ZSCAN25: variants seen among roughly 807,000 people sequenced by gnomAD.
ZSCAN25 encodes the protein zinc finger and SCAN domain containing 25.
A neutral mutation model predicts 38.7 loss-of-function variants in ZSCAN25; 27 were observed. That is an observed-to-expected ratio of 0.70 (90% CI 0.51 to 0.96). The LOEUF is 0.96. Ranked by LOEUF, ZSCAN25 falls within the 40% of genes least tolerant of loss-of-function variation. ZSCAN25 has a pLI of 0.00. For synonymous variants in ZSCAN25, 273 were observed against 277.7 expected (o/e 0.98, Z 0.17); for missense variants, 637 against 705.9 (o/e 0.90, Z 1.11).
At chr7:99,676,835 A>G in the ZSCAN25 span, among the ~76,000 whole-genome samples, 355 of 152,162 alleles carry the variant, frequency 2.3e-3, 2 homozygotes, top group Admixed American at 4.4e-3. Context: ...AACTGTGTTC[A>G]TGGCTTCTAT....
At chr7:99,707,071 AG>A in the ZSCAN25 span, among the ~76,000 whole-genome samples, 1 of 152,204 alleles carries the variant, frequency 6.6e-6, no homozygotes, top group Non-Finnish European at 1.5e-5. Context: ...GACACCTTGG[AG>A]GGGCTTGGGA....
rs1807980432 is a variant in ZSCAN25, at chr7:99,631,300, G to A, written c.*1280G>A. 2.0e-6 allele frequency: 2 copies of A among 985,330 alleles called. No individual in the cohort carries two copies. The highest frequency in any genetic ancestry group is 2.4e-6 in the Non-Finnish European group (2 of 829,924). 61.0% of individuals were successfully genotyped at this position (985,330 alleles called of 1,614,324 possible). ...CCACTGGGGATGATGAGCTGGTAGC[G>A]ACCTGTTTTGCATGAGTGCCAAGTC... On this transcript the variant is annotated 3_prime_UTR_variant, in exon 8 of 8. Coordinates refer to ENST00000394152, the MANE Select transcript of ZSCAN25 (RefSeq NM_145115.3).
At chr7:99,641,143 A>G in the ZSCAN25 span, among the ~76,000 whole-genome samples, 588 of 152,268 alleles carry the variant, frequency 3.9e-3, 2 homozygotes, top group African/African-American at 0.013. Flanking sequence ...GTGCTGCTAT[A>G]AAGAGCTGCC....
chr7:99,642,783 A>G, the ZSCAN25 span, among the ~76,000 whole-genome samples: 3 of 152,170 alleles, frequency 2.0e-5, no homozygotes, highest in African/African-American at 7.2e-5. Context: ...CAGCTGTGTG[A>G]AAGTAGAAAC....
the ZSCAN25 span, chr7:99,648,455 A>T: frequency 1.5e-6 from 2 of 1,376,710 alleles, no homozygotes; most frequent in Non-Finnish European, 1.0e-6. Context: ...AAAGAAGAAA[A>T]GATGGAAGCA....
the ZSCAN25 span, chr7:99,663,939 A>G: frequency 9.0e-6 from 14 of 1,560,952 alleles, no homozygotes; most frequent in Non-Finnish European, 1.2e-5. Flanking sequence ...AAACCTAAAC[A>G]TCGTCATTTA....
intron 2 of ZSCAN25, 22 bp from the exon 3 acceptor site, chr7:99,619,026 A>G (rs1806701434): frequency 6.6e-6 from 1 of 152,444 alleles, no homozygotes; most frequent in African/African-American, 2.4e-5. Flanking sequence ...TTAACAGAGC[A>G]CCCTACTTAT....
At chr7:99,663,385 T>C in the ZSCAN25 span, 1 of 991,786 alleles carries the variant, frequency 1.0e-6, no homozygotes, top group Non-Finnish European at 1.2e-6. Context: ...CCTGGTCCTG[T>C]CTCCCTGACC....
the ZSCAN25 span, among the ~76,000 whole-genome samples, chr7:99,733,859 T>C: frequency 6.6e-6 from 1 of 152,230 alleles, no homozygotes; most frequent in African/African-American, 2.4e-5. Flanking sequence ...GCAGGTGTAT[T>C]TGAAATGGGG....
chr7:99,632,906 A>G (rs1010536232), downstream of ZSCAN25, among the ~76,000 whole-genome samples: 1 of 151,594 alleles, frequency 6.6e-6, no homozygotes. Flanking sequence ...TGTAGTACTT[A>G]TCCTTTTCTT....
chr7:99,652,651 C>T, the ZSCAN25 span: 1 of 1,613,864 alleles, frequency 6.2e-7, no homozygotes, highest in African/African-American at 1.3e-5. Context: ...GAATGAATAC[C>T]CCATTGATTT....
the ZSCAN25 span, among the ~76,000 whole-genome samples, chr7:99,679,289 T>C: frequency 6.6e-6 from 1 of 152,108 alleles, no homozygotes; most frequent in Non-Finnish European, 1.5e-5. Context: ...CCATGAAGTC[T>C]TGGTGTCCCC....
the ZSCAN25 span, among the ~76,000 whole-genome samples, chr7:99,702,504 G>A: frequency 4.6e-5 from 7 of 152,156 alleles, no homozygotes; most frequent in African/African-American, 7.2e-5. Flanking sequence ...AGAGGAGACC[G>A]TCTTTTCCCC....
the ZSCAN25 span, among the ~76,000 whole-genome samples, chr7:99,701,171 G>T: frequency 6.6e-6 from 1 of 152,262 alleles, no homozygotes; most frequent in Non-Finnish European, 1.5e-5. Flanking sequence ...GTTTTGATTT[G>T]TAGATCCCAC....
At chr7:99,623,140 C>T (rs1040098930) in intron 6 of ZSCAN25, among the ~76,000 whole-genome samples, 5 of 152,184 alleles carry the variant, frequency 3.3e-5, no homozygotes, top group African/African-American at 1.2e-4. Context: ...CAGATAGAAA[C>T]CCCCTAGGGC....
At chr7:99,722,808 A>C in the ZSCAN25 span, among the ~76,000 whole-genome samples, 2 of 152,194 alleles carry the variant, frequency 1.3e-5, no homozygotes, top group Non-Finnish European at 2.9e-5. Flanking sequence ...GAATTCTAGC[A>C]GAATTAGAAA....
At chr7:99,674,501 G>T in the ZSCAN25 span, 1 of 1,586,008 alleles carries the variant, frequency 6.3e-7, no homozygotes, top group Non-Finnish European at 8.7e-7. Flanking sequence ...ACAGTAGCAG[G>T]TCTATCCAAT....
chr7:99,723,533 A>T, the ZSCAN25 span, among the ~76,000 whole-genome samples: 1 of 152,164 alleles, frequency 6.6e-6, no homozygotes, highest in Non-Finnish European at 1.5e-5. Context: ...TATTGCTCAC[A>T]CAAAGACTGT....
chr7:99,722,242 G>A, the ZSCAN25 span: 2 of 1,608,206 alleles, frequency 1.2e-6, no homozygotes, highest in Non-Finnish European at 8.5e-7. Context: ...TGTGCAGTGG[G>A]GTAAACTCAT....
Sources: allele counts gnomAD v4.1 joint callset (sites outside exome capture counted in the v4.1 genomes callset), GRCh38; gene constraint gnomAD v4.1.1; transcripts MANE v1.5; gene names NCBI Gene and HGNC (gene_info 2026-07-23, HGNC 2026-07-21).